PDE4D: variants seen among roughly 807,000 people sequenced by gnomAD.
The protein encoded by PDE4D is phosphodiesterase 4D.
Under a neutral mutation model 87.4 loss-of-function variants are expected in PDE4D, and 24 were observed. The observed-to-expected ratio is 0.27, with a 90% CI of 0.20 to 0.39. PDE4D has a LOEUF of 0.39. PDE4D is among the 10% of genes least tolerant of loss of function. PDE4D has a pLI of 1.00. For missense variants in PDE4D, 714 were observed against 1,041.0 expected (o/e 0.69, Z 4.32); for synonymous variants, 384 against 383.2 (o/e 1.00, Z -0.02).
intron 1 of PDE4D, among the ~76,000 whole-genome samples, chr5:60,412,305 C>T (rs1015840631): frequency 1.3e-5 from 2 of 152,178 alleles, no homozygotes; most frequent in Admixed American, 6.5e-5. Flanking sequence ...CGTTACCCAA[C>T]ACTGCATCGT....
intron 1 of PDE4D, among the ~76,000 whole-genome samples, chr5:59,515,380 T>TTAA (rs1376628408): frequency 6.6e-6 from 1 of 152,200 alleles, no homozygotes; most frequent in Non-Finnish European, 1.5e-5. Flanking sequence ...AAGATCTTCC[T>TTAA]TTTAAAAGGA....
At chr5:60,192,690 A>C (rs911462516) in intron 1 of PDE4D, among the ~76,000 whole-genome samples, 1 of 152,184 alleles carries the variant, frequency 6.6e-6, no homozygotes, top group African/African-American at 2.4e-5. Context: ...ATCCTATAAA[A>C]AGTTATGCAC....
chr5:59,677,468 G>A (rs1054507138), intron 1 of PDE4D, among the ~76,000 whole-genome samples: 1 of 152,162 alleles, frequency 6.6e-6, no homozygotes, highest in African/African-American at 2.4e-5. Flanking sequence ...TAGGGCAGAT[G>A]AGCAATGGAG....
chr5:60,496,785 G>C (rs747257984), intron 1 of PDE4D, among the ~76,000 whole-genome samples: 1 of 152,128 alleles, frequency 6.6e-6, no homozygotes, highest in African/African-American at 2.4e-5. Flanking sequence ...AATAGCAAAG[G>C]AAGTAAAGGT....
At chr5:59,115,494 A>T (rs559275991) in intron 5 of PDE4D, among the ~76,000 whole-genome samples, 2 of 148,992 alleles carry the variant, frequency 1.3e-5, no homozygotes. Context: ...CCAATTATAG[A>T]AGGTTTAGAA....
At chr5:60,334,905 AT>A (rs1379746806) in intron 1 of PDE4D, among the ~76,000 whole-genome samples, 2 of 152,058 alleles carry the variant, frequency 1.3e-5, no homozygotes, top group African/African-American at 2.4e-5. Flanking sequence ...ATTCCATATA[AT>A]TTTTTAATGG....
At chr5:60,458,979 T>G (rs1583832839) in intron 1 of PDE4D, among the ~76,000 whole-genome samples, 1 of 148,684 alleles carries the variant, frequency 6.7e-6, no homozygotes, top group East Asian at 2.0e-4. Flanking sequence ...TGGTATAAGT[T>G]TGTGTGTGTG....
intron 1 of PDE4D, among the ~76,000 whole-genome samples, chr5:60,449,181 A>G (rs1373662427): frequency 6.6e-6 from 1 of 151,720 alleles, no homozygotes; most frequent in East Asian, 1.9e-4. Context: ...ATTTTTAAAG[A>G]TCACCTGGAA....
At chr5:59,795,822 G>A (rs1210782941) in intron 1 of PDE4D, among the ~76,000 whole-genome samples, 1 of 152,138 alleles carries the variant, frequency 6.6e-6, no homozygotes, top group Non-Finnish European at 1.5e-5. Context: ...AGGGTCTTTA[G>A]AGAGGTAATC....
chr5:60,194,405 G>A (rs1333107715), intron 1 of PDE4D, among the ~76,000 whole-genome samples: 2 of 151,532 alleles, frequency 1.3e-5, no homozygotes, highest in African/African-American at 4.8e-5. Context: ...CTACTTCACG[G>A]GGTCTTCTTA....
chr5:59,941,393 T>C (rs1416727187), intron 3 of PDE4D, among the ~76,000 whole-genome samples: 2 of 152,218 alleles, frequency 1.3e-5, no homozygotes, highest in Non-Finnish European at 1.5e-5. Context: ...TTTGAAGAAA[T>C]AGTTCGAAGT....
At chr5:59,279,975 A>G (rs1765532395) in intron 1 of PDE4D, among the ~76,000 whole-genome samples, 1 of 152,144 alleles carries the variant, frequency 6.6e-6, no homozygotes, top group African/African-American at 2.4e-5. Context: ...CATTACTAGT[A>G]TAATGATAAA....
At chr5:60,057,529 A>G (rs552011892) in intron 2 of PDE4D, among the ~76,000 whole-genome samples, 53 of 152,084 alleles carry the variant, frequency 3.5e-4, no homozygotes, top group Non-Finnish European at 7.1e-4. Context: ...CCAGCCCTGT[A>G]GAACTGTGTC....
At chr5:59,333,046 T>C (rs147495802) in intron 1 of PDE4D, among the ~76,000 whole-genome samples, 2 of 152,336 alleles carry the variant, frequency 1.3e-5, no homozygotes, top group Non-Finnish European at 2.9e-5. Context: ...GTTTCTGTTA[T>C]TTACAATTGA....
At chr5:59,269,692 C>G (rs1763460673) in intron 1 of PDE4D, among the ~76,000 whole-genome samples, 1 of 151,976 alleles carries the variant, frequency 6.6e-6, no homozygotes, top group Admixed American at 6.6e-5. Context: ...GGTAAATGTA[C>G]AAACTCAGTG....
intron 1 of PDE4D, among the ~76,000 whole-genome samples, chr5:59,419,631 C>G (rs1188428839): frequency 6.6e-6 from 1 of 152,164 alleles, no homozygotes; most frequent in Non-Finnish European, 1.5e-5. Context: ...TGGTAGGAGG[C>G]TCCTGTGCAT....
chr5:59,315,856 CGCG>C (rs148561917), intron 1 of PDE4D, among the ~76,000 whole-genome samples: 294 of 152,184 alleles, frequency 1.9e-3, no homozygotes, highest in African/African-American at 6.8e-3. Flanking sequence ...TCACTGAGCA[CGCG>C]GCGATTAGCC....
intron 1 of PDE4D, among the ~76,000 whole-genome samples, chr5:59,298,134 T>TTTG (rs1769453063): frequency 7.3e-6 from 1 of 137,820 alleles, no homozygotes. Flanking sequence ...TTTTTTTTTT[T>TTTG]GAGACAGAGT....
chr5:59,549,827 C>T (rs1817825767), intron 1 of PDE4D, among the ~76,000 whole-genome samples: 1 of 151,924 alleles, frequency 6.6e-6, no homozygotes, highest in African/African-American at 2.4e-5. Context: ...CAAGGGATAG[C>T]TCAGGATAAA....
Sources: gnomAD v4.1 joint callset for allele counts (sites outside exome capture counted in the v4.1 genomes callset) on GRCh38, gnomAD v4.1.1 for gene constraint, MANE v1.5 for transcripts, NCBI Gene and HGNC (gene_info 2026-07-23, HGNC 2026-07-21) for gene names.